Variants in RFX2 observed in about 807,000 individuals in gnomAD.
RFX2 encodes DNA-binding protein RFX2.
Under a neutral mutation model 87.8 loss-of-function variants are expected in RFX2, and 20 were observed. The observed-to-expected ratio is 0.23, with a 90% CI of 0.16 to 0.33. RFX2 has a LOEUF of 0.33. Ranked by LOEUF, RFX2 falls within the 10% of genes least tolerant of loss-of-function variation. The pLI is 1.00. For missense variants in RFX2, 767 were observed against 1,012.3 expected (o/e 0.76, Z 3.29); for synonymous variants, 397 against 431.3 (o/e 0.92, Z 0.98).
chr19:6,008,295 G>A (rs759696487), intron 9 of RFX2, 71 bp from the exon 10 acceptor site: 5 of 850,170 alleles, frequency 5.9e-6, no homozygotes, highest in East Asian at 2.6e-5. Context: ...GGAAGGCCAC[G>A]GTGGATGGGG....
intron 1 of RFX2, chr19:6,072,942 T>A (rs1230574802): frequency 6.5e-6 from 5 of 768,106 alleles, no homozygotes; most frequent in Non-Finnish European, 1.1e-5. Context: ...AACCCAGAGG[T>A]ATTGACAATA....
intron 3 of RFX2, among the ~76,000 whole-genome samples, chr19:6,043,062 C>T (rs2087133674): frequency 6.6e-6 from 1 of 152,206 alleles, no homozygotes; most frequent in Non-Finnish European, 1.5e-5. Flanking sequence ...GCACCACCCC[C>T]AGAATCACAA....
chr19:6,010,571 T>C lies in RFX2; in HGVS notation c.900-320A>G, dbSNP rs1037541427. Among the ~76,000 whole-genome samples, 2 of 152,120 alleles carry C rather than the reference T, an allele frequency of 1.3e-5. No individual in the cohort carries two copies. The highest frequency in any genetic ancestry group is 1.3e-4 in the Admixed American group (2 of 15,266). On this transcript the variant is annotated intron_variant, in intron 8 of 17. Coordinates refer to ENST00000303657, the MANE Select transcript of RFX2 (RefSeq NM_000635.4). The surrounding 1 kb of genome is among the most constrained non-coding windows in gnomAD (Gnocchi z 5.0). ...AGCCCCTGGCACCCCTGATCTGACT[T>C]CCCGTCTCTGTGAATCTGACGACTC...
At chr19:5,996,943 C>T in intron 16 of RFX2, 117 bp downstream of exon 16, 2 of 1,091,742 alleles carry the variant, frequency 1.8e-6, no homozygotes, top group Non-Finnish European at 2.6e-6. Flanking sequence ...GCAGCTCTGT[C>T]CGGGCGGCAG....
intron 4 of RFX2, 70 bp downstream of exon 4, chr19:6,041,974 G>T: frequency 8.2e-7 from 1 of 1,225,300 alleles, no homozygotes; most frequent in Non-Finnish European, 1.2e-6. Flanking sequence ...TTTGCTTGAT[G>T]CCTCCCCAGG....
chr19:6,035,169 G>A (rs932027134), intron 5 of RFX2, among the ~76,000 whole-genome samples: 2 of 152,244 alleles, frequency 1.3e-5, no homozygotes, highest in East Asian at 1.9e-4. Flanking sequence ...AGGGCCCACC[G>A]TGTGACCCTC....
intron 7 of RFX2, among the ~76,000 whole-genome samples, chr19:6,014,578 C>T (rs1052538064): frequency 1.3e-5 from 2 of 152,162 alleles, no homozygotes; most frequent in African/African-American, 4.8e-5. Context: ...TAGCAGACAG[C>T]CTGGGCCCTT....
chr19:6,088,946 C>T (rs1338811098), intron 1 of RFX2, among the ~76,000 whole-genome samples: 1 of 152,206 alleles, frequency 6.6e-6, no homozygotes, highest in Non-Finnish European at 1.5e-5. Flanking sequence ...AGTATATTTG[C>T]TGCTGAAGCA....
intron 15 of RFX2, among the ~76,000 whole-genome samples, chr19:6,000,552 A>G (rs1376952261): frequency 1.3e-5 from 2 of 152,166 alleles, no homozygotes; most frequent in Non-Finnish European, 2.9e-5. Context: ...ATGGAGACAG[A>G]TGTTTCCTGT....
intron 1 of RFX2, chr19:6,068,335 A>G (rs2087542880): frequency 6.6e-6 from 1 of 152,220 alleles, no homozygotes; most frequent in Non-Finnish European, 1.5e-5. Flanking sequence ...GGCATTGACC[A>G]GTCATCAAAA....
At chr19:6,014,092 TCA>T (rs929843822) in intron 7 of RFX2, among the ~76,000 whole-genome samples, 1 of 152,108 alleles carries the variant, frequency 6.6e-6, no homozygotes, top group Non-Finnish European at 1.5e-5. Context: ...AGAAAACAGC[TCA>T]CAGAGTCCTT....
At position 6,007,214 on chromosome 19, in the gene RFX2, C is replaced by T. The variant is rs201543226; in HGVS notation, c.1248-48G>A. ...TGAGCTGTGGCCTGGCCCAGGTGGG[C>T]TCACTCAGCCACGGGAGCGAGCAGA... On this transcript the variant is annotated intron_variant, in intron 11 of 17. Transcript: ENST00000303657. This position sits in a 1 kb window ranked among gnomAD's most constrained non-coding sequence, Gnocchi z 8.2. 1.3e-6 allele frequency: 2 copies of T among 1,586,994 alleles called. No individual in the cohort carries two copies. Among genetic ancestry groups the T allele is most frequent in the African/African-American group, 2.7e-5 (2 of 74,454 alleles).
At chr19:6,092,329 A>G (rs2087947354) in intron 1 of RFX2, among the ~76,000 whole-genome samples, 1 of 152,182 alleles carries the variant, frequency 6.6e-6, no homozygotes, top group Non-Finnish European at 1.5e-5. Context: ...AACCCGGGCC[A>G]TGGCAGCAGG....
chr19:6,060,415 C>T (rs529311891), intron 1 of RFX2, among the ~76,000 whole-genome samples: 6 of 152,204 alleles, frequency 3.9e-5, no homozygotes, highest in African/African-American at 7.2e-5. Context: ...AAGGACCCAC[C>T]GATCAAGCCT....
At position 6,056,932 on chromosome 19, in the gene RFX2, G is replaced by A. The variant is rs1030047951; in HGVS notation, c.-8-9428C>T. The stretch of plus-strand genomic sequence containing the variant: ...CTGGCCCTGCCTGGCCAACGGGCTT[G>A]GCTGGCCCAAAGCTCCCTCCCTCGT... On this transcript the variant is annotated intron_variant, in intron 1 of 17. Transcript: ENST00000303657. The surrounding 1 kb of genome is among the most constrained non-coding windows in gnomAD (Gnocchi z 4.6). Among the ~76,000 whole-genome samples, 1 of 152,176 alleles carries A rather than the reference G, an allele frequency of 6.6e-6. No individual in the cohort carries two copies. Among genetic ancestry groups the A allele is most frequent in the Admixed American group, 6.5e-5 (1 of 15,272 alleles).
At chr19:6,009,505 G>C (rs1368031305) in intron 9 of RFX2, among the ~76,000 whole-genome samples, 1 of 152,166 alleles carries the variant, frequency 6.6e-6, no homozygotes, top group East Asian at 1.9e-4. Flanking sequence ...AAAGCTCCAG[G>C]CAAGAAGGAA....
intron 6 of RFX2, among the ~76,000 whole-genome samples, chr19:6,025,252 C>T (rs1029499845): frequency 1.3e-5 from 2 of 152,178 alleles, no homozygotes; most frequent in Admixed American, 6.5e-5. Context: ...CCACGTCCCC[C>T]AGTCCCATCC....
Position 6,073,733 on chromosome 19 carries a change from T to C in RFX2, c.-8-26229A>G, listed in dbSNP as rs943172965. On this transcript the variant is annotated intron_variant, in intron 1 of 17. Transcript: ENST00000303657. ...AACGATGAAGACACAGTTGCATTTC[T>C]GTGTAAGTCAAATTCTCTTTTTTAC... 2.0e-5 allele frequency among the ~76,000 whole-genome samples: 3 copies of C among 152,202 alleles called. No homozygotes were observed. In the South Asian group the frequency reaches 6.2e-4, roughly 31 times the overall value.
At chr19:6,100,111 G>C (rs1231083000) in intron 1 of RFX2, among the ~76,000 whole-genome samples, 5 of 152,174 alleles carry the variant, frequency 3.3e-5, no homozygotes, top group African/African-American at 1.2e-4. Context: ...ATTAAAGAAG[G>C]GTCTTGAGGG....
Sources: allele counts gnomAD v4.1 joint callset (sites outside exome capture counted in the v4.1 genomes callset), GRCh38; gene constraint gnomAD v4.1.1; non-coding constraint Gnocchi (gnomAD v3.1); transcripts MANE v1.5; gene names NCBI Gene and HGNC (gene_info 2026-07-23, HGNC 2026-07-21).